Variants in PCDHGB4 observed in about 807,000 individuals in gnomAD.
The protein encoded by PCDHGB4 is protocadherin gamma subfamily B, 4, also known as protocadherin gamma-B4.
A neutral mutation model predicts 60.5 loss-of-function variants in PCDHGB4; 38 were observed. The observed-to-expected ratio is 0.63, with a 90% CI of 0.48 to 0.82. The LOEUF is 0.82. Ranked by LOEUF, PCDHGB4 falls within the 40% of genes least tolerant of loss-of-function variation. PCDHGB4 has a pLI of 0.00. For synonymous variants in PCDHGB4, 456 were observed against 509.7 expected, an observed-to-expected ratio of 0.89 and a Z score of 1.42; for missense variants, 1,109 against 1,209.6, an observed-to-expected ratio of 0.92 and a Z score of 1.23.
At chr5:141,419,878 G>A in intron 1 of PCDHGB4, 2 of 1,614,060 alleles carry the variant, frequency 1.2e-6, no homozygotes, top group Non-Finnish European at 1.7e-6. Context: ...AGGTACTGCC[G>A]GATTTCAGCG....
intron 1 of PCDHGB4, chr5:141,402,950 G>A (rs992704558): frequency 2.5e-6 from 4 of 1,596,662 alleles, no homozygotes; most frequent in Non-Finnish European, 3.4e-6. Flanking sequence ...AAGCGAGGCA[G>A]CAATGGCAGC....
In PCDHGB4 at chr5:141,389,762, A is replaced by C. The variant is rs778570717; in HGVS notation, c.1878A>C (p.Thr626=). ...GGCTGCGCACGGGCGAAGTGCGCAC[A>C]GCGCGTGCCTTAGGCGACAGGGACG... The part of the protein sequence containing the change: ...SLGLRTGEVR[T]ARALGDRDAV... Residue 626 remains threonine, a synonymous_variant, in exon 1 of 4, where the codon ACA becomes ACC. Coordinates refer to ENST00000519479, the MANE Select transcript of PCDHGB4 (RefSeq NM_003736.4). The C allele has an allele frequency of 1.2e-6, 2 of 1,612,968 alleles. No homozygotes were observed. Among genetic ancestry groups the C allele is most frequent in the Non-Finnish European group, 1.7e-6 (2 of 1,179,692 alleles).
chr5:141,393,498 C>T lies in PCDHGB4; in HGVS notation c.2397+3217C>T, dbSNP rs780199451. The T allele has an allele frequency of 3.1e-6, 5 of 1,613,952 alleles. No homozygotes were observed. The highest frequency in any genetic ancestry group is 1.6e-4 in the Middle Eastern group (1 of 6,084). ...GCCTCGCTCTAGCACAGTGCGCATC[C>T]ACGTGACAGTGTTGGATACAAATGA... On this transcript the variant is annotated intron_variant, in intron 1 of 3. Transcript: ENST00000519479.
chr5:141,496,795 T>C (rs886559302), intron 2 of PCDHGB4, among the ~76,000 whole-genome samples: 27 of 151,976 alleles, frequency 1.8e-4, no homozygotes, highest in Middle Eastern at 3.4e-3. Flanking sequence ...GTGCTAAACA[T>C]TGGGCTATAG....
At chr5:141,458,496 A>G (rs905073741) in intron 1 of PCDHGB4, among the ~76,000 whole-genome samples, 1 of 151,694 alleles carries the variant, frequency 6.6e-6, no homozygotes, top group Non-Finnish European at 1.5e-5. Flanking sequence ...CTGCCTGTAC[A>G]TACTGTTTGA....
intron 1 of PCDHGB4, chr5:141,409,175 G>A: frequency 5.0e-6 from 8 of 1,614,008 alleles, no homozygotes; most frequent in Non-Finnish European, 6.8e-6. Flanking sequence ...GAAGGACGGA[G>A]GTGGTCTCTC....
rs556415227 is a variant in PCDHGB4, at chr5:141,476,903, G to A, written c.2398-17904G>A. ...GGAGGATGCACCCTCCGGCACGCGC[G>A]TGGTACAAGTCCTTGCAACGGATCT... On this transcript the variant is annotated intron_variant, in intron 1 of 3. Transcript: ENST00000519479. This position sits in a 1 kb window ranked among gnomAD's most constrained non-coding sequence, Gnocchi z 7.6. The A allele has an allele frequency of 1.4e-5, 22 of 1,614,018 alleles. No homozygotes were observed. In the African/African-American group the frequency reaches 1.7e-4, roughly 13 times the overall value.
At chr5:141,395,543 TGTGTG>T in intron 1 of PCDHGB4, 1 of 8,204 alleles carries the variant, frequency 1.2e-4, no homozygotes, top group Non-Finnish European at 2.0e-4. Context: ...TGCTATTGTT[TGTGTG>T]TGTGTGTGTG....
intron 1 of PCDHGB4, chr5:141,413,714 A>T: frequency 6.2e-7 from 1 of 1,613,586 alleles, no homozygotes; most frequent in Non-Finnish European, 8.5e-7. Flanking sequence ...AGCCCCAATA[A>T]GCACTTCTCC....
chr5:141,419,748 G>T, intron 1 of PCDHGB4: 1 of 1,613,872 alleles, frequency 6.2e-7, no homozygotes, highest in Non-Finnish European at 8.5e-7. Flanking sequence ...CGCATGGTGC[G>T]TGCTTTGGGT....
At chr5:141,418,433 C>G (rs761824602) in intron 1 of PCDHGB4, 44 of 1,613,938 alleles carry the variant, frequency 2.7e-5, no homozygotes, top group Non-Finnish European at 3.7e-5. Flanking sequence ...TGGCAAATAT[C>G]CAGAATTAGT....
intron 1 of PCDHGB4, chr5:141,404,212 C>T: frequency 3.7e-6 from 6 of 1,613,616 alleles, no homozygotes; most frequent in Non-Finnish European, 5.1e-6. Flanking sequence ...AATATAATAT[C>T]ACGGTGACTG....
chr5:141,406,294 G>C (rs1399208737), intron 1 of PCDHGB4, among the ~76,000 whole-genome samples: 1 of 151,910 alleles, frequency 6.6e-6, no homozygotes, highest in East Asian at 1.9e-4. Flanking sequence ...CACTGGGTGA[G>C]GTGTGAACCA....
chr5:141,452,888 C>T (rs62379168), intron 1 of PCDHGB4, among the ~76,000 whole-genome samples: 13,856 of 152,130 alleles, frequency 0.091, 849 homozygotes, highest in African/African-American at 0.17. Flanking sequence ...TAATTTATTC[C>T]ACTTTTATTA....
chr5:141,426,898 C>G (rs1246109323), intron 1 of PCDHGB4: 3 of 456,634 alleles, frequency 6.6e-6, no homozygotes, highest in Admixed American at 4.7e-5. Context: ...CAACAGAGCT[C>G]TCATCTCCTG....
At chr5:141,509,625 G>T (rs915049847) in intron 3 of PCDHGB4, among the ~76,000 whole-genome samples, 1 of 152,186 alleles carries the variant, frequency 6.6e-6, no homozygotes, top group Non-Finnish European at 1.5e-5. Flanking sequence ...AAGTTCCTGG[G>T]TGATGCTGAG....
At chr5:141,396,954 C>G (rs2093459266) in intron 1 of PCDHGB4, among the ~76,000 whole-genome samples, 1 of 152,172 alleles carries the variant, frequency 6.6e-6, no homozygotes. Flanking sequence ...GAAAGAAAAT[C>G]CTTACTCTCC....
In PCDHGB4 at chr5:141,477,017, A is replaced by G; in HGVS notation, c.2398-17790A>G. 2 of 1,614,220 alleles carry G rather than the reference A, an allele frequency of 1.2e-6. No homozygotes were observed. The highest frequency in any genetic ancestry group is 2.2e-5 in the East Asian group (1 of 44,868). ...GCAACTATTCGCCTTAGACCTTGTA[A>G]CCGGGATGCTGACAATCAAGGGTCG... On this transcript the variant is annotated intron_variant, in intron 1 of 3. Coordinates refer to ENST00000519479, the MANE Select transcript of PCDHGB4 (RefSeq NM_003736.4). This position sits in a 1 kb window ranked among gnomAD's most constrained non-coding sequence, Gnocchi z 4.9.
At position 141,512,951 on chromosome 5, in the gene PCDHGB4, AATAAT is replaced by A. The variant is rs1231390259; in HGVS notation, c.*1780_*1784del. 2.1e-5 allele frequency: 3 copies of A among 141,994 alleles called. No homozygotes were observed. Among genetic ancestry groups the A allele is most frequent in the Non-Finnish European group, 4.8e-5 (3 of 62,372 alleles). The allele number at this position is 141,994 out of a possible 1,614,324, so 8.8% of individuals were successfully genotyped here. A position where few individuals can be genotyped will look rare whatever the true frequency, so the allele number is the denominator to read the frequency against. On this transcript the variant is annotated 3_prime_UTR_variant, in exon 4 of 4. Coordinates refer to ENST00000519479, the MANE Select transcript of PCDHGB4 (RefSeq NM_003736.4). ...TATGGCTTTTTTTCTTCGACAAAAAAATAATAAAACGTTTCTTCTGAAAAGCTGAA... is the reference window on the plus strand; with the variant it reads ...TATGGCTTTTTTTCTTCGACAAAAAAAAAACGTTTCTTCTGAAAAGCTGAA...
Sources: gnomAD v4.1 joint callset for allele counts (sites outside exome capture counted in the v4.1 genomes callset) on GRCh38, gnomAD v4.1.1 for gene constraint, Gnocchi (gnomAD v3.1) non-coding constraint, MANE v1.5 for transcripts, NCBI Gene and HGNC (gene_info 2026-07-23, HGNC 2026-07-21) for gene names.